The following ELFN2 variants were observed in gnomAD, a reference collection of about 807,000 sequenced individuals.
The protein encoded by ELFN2 is protein phosphatase 1 regulatory subunit 29.
A neutral mutation model predicts 45.5 loss-of-function variants in ELFN2; 17 were observed. The ratio of observed to expected loss-of-function variants is 0.37; its 90% CI spans 0.26 to 0.56. The LOEUF (loss-of-function observed/expected upper bound fraction) is 0.56, where lower values mean the gene tolerates loss of function less well. Among genes scored for constraint, ELFN2 ranks in the 20% least tolerant of loss-of-function variants. The pLI, the probability that ELFN2 is intolerant of heterozygous loss-of-function variation, is 0.77. For synonymous variants in ELFN2, 550 were observed against 551.5 expected (o/e 1.00, Z 0.04); for missense variants, 922 against 1,183.2 (o/e 0.78, Z 3.24).
rs778062441 is a variant in ELFN2 at position 37,373,027 on chromosome 22, C to T, written c.*45G>A. ...CCGCCTGGACCCTTCCCCCAAAAGG[C>T]CCCCAGCCCTCTGGCTCCGACCTCA... is the stretch of plus-strand genomic sequence containing the variant. On this transcript the variant is annotated 3_prime_UTR_variant, in exon 3 of 3. Transcript: ENST00000402918. 6.5e-7 allele frequency: 1 copy of T among 1,537,112 alleles called. No individual in the cohort carries two copies. The highest frequency in any genetic ancestry group is 8.8e-7 in the Non-Finnish European group (1 of 1,141,440).
At chr22:37,355,961 A>G (rs1416708059) in intron 1 of ELFN2, among the ~76,000 whole-genome samples, 1 of 152,188 alleles carries the variant, frequency 6.6e-6, no homozygotes, top group Non-Finnish European at 1.5e-5. Context: ...TGAAGAAATA[A>G]TGTGTTTCAT....
intron 2 of ELFN2, among the ~76,000 whole-genome samples, chr22:37,408,077 G>T (rs1304359408): frequency 6.6e-6 from 1 of 152,174 alleles, no homozygotes; most frequent in Non-Finnish European, 1.5e-5. Flanking sequence ...GAGTTCTCAC[G>T]AGTTTCTCCA....
intron 2 of ELFN2, among the ~76,000 whole-genome samples, chr22:37,405,458 CT>C (rs1932476271): frequency 6.6e-6 from 1 of 152,034 alleles, no homozygotes; most frequent in Non-Finnish European, 1.5e-5. Flanking sequence ...CATGGGGTCA[CT>C]GTAAACATGA....
At chr22:37,416,200 T>C (rs1932758132) in intron 2 of ELFN2, among the ~76,000 whole-genome samples, 1 of 152,172 alleles carries the variant, frequency 6.6e-6, no homozygotes, top group African/African-American at 2.4e-5. Context: ...TTTTTAGTAA[T>C]TGAATGAAAT....
At chr22:37,387,132 C>T (rs1931968475) in intron 2 of ELFN2, among the ~76,000 whole-genome samples, 1 of 152,182 alleles carries the variant, frequency 6.6e-6, no homozygotes, top group Non-Finnish European at 1.5e-5. Context: ...TGGGGCCTGG[C>T]CTGTCTTCCT....
chr22:37,362,923 C>A (rs75120840), intron 1 of ELFN2, among the ~76,000 whole-genome samples: 2,138 of 152,284 alleles, frequency 0.014, 47 homozygotes, highest in African/African-American at 0.047. Flanking sequence ...CTTCTACCGC[C>A]ATCGTCCCTG....
At chr22:37,405,375 G>A (rs569104857) in intron 2 of ELFN2, among the ~76,000 whole-genome samples, 7 of 152,056 alleles carry the variant, frequency 4.6e-5, no homozygotes, top group African/African-American at 9.7e-5. Context: ...TTACAGGCAT[G>A]AGCCACCATG....
chr22:37,354,126 A>G (rs1208118341), intron 1 of ELFN2: 2 of 152,252 alleles, frequency 1.3e-5, no homozygotes, highest in South Asian at 2.1e-4. Context: ...TGCTGAGGGA[A>G]AGACGCCAGT....
chr22:37,420,276 T>C (rs918967831), intron 1 of ELFN2: 2 of 140,908 alleles, frequency 1.4e-5, no homozygotes, highest in African/African-American at 5.2e-5. Context: ...CCAGCAGCCA[T>C]CGCGCACCCG....
At chr22:37,347,670 A>G (rs1930730176) in intron 1 of ELFN2, among the ~76,000 whole-genome samples, 1 of 151,818 alleles carries the variant, frequency 6.6e-6, no homozygotes, top group Non-Finnish European at 1.5e-5. Context: ...ACACACACAC[A>G]CACACACACA....
chr22:37,359,905 G>A (rs1931041188), intron 1 of ELFN2, among the ~76,000 whole-genome samples: 1 of 152,236 alleles, frequency 6.6e-6, no homozygotes, highest in Non-Finnish European at 1.5e-5. Flanking sequence ...AGCTCAGGAG[G>A]AGTTCTGCAG....
intron 2 of ELFN2, among the ~76,000 whole-genome samples, chr22:37,415,624 C>T (rs1483929251): frequency 6.6e-6 from 1 of 152,222 alleles, no homozygotes; most frequent in East Asian, 1.9e-4. Context: ...TGAGATCTGG[C>T]TTCCCTACGC....
chr22:37,399,376 C>G (rs1443467569), intron 2 of ELFN2, among the ~76,000 whole-genome samples: 1 of 152,210 alleles, frequency 6.6e-6, no homozygotes, highest in African/African-American at 2.4e-5. Context: ...CAGGCCCATA[C>G]TGGCTCCTTG....
At position 37,375,394 on chromosome 22, in the gene ELFN2, C is replaced by T. The variant is rs780286500; in HGVS notation, c.141G>A (p.Glu47=). The T allele has an allele frequency of 6.2e-7, 1 of 1,614,060 alleles. No individual in the cohort carries two copies. Among genetic ancestry groups the T allele is most frequent in the African/African-American group, 1.3e-5 (1 of 74,936 alleles). ...TGCTATTGATGTGCTGCGGGATGGT[C>T]TCGTAGGGCGGCTGGTTCTGGCTGC... ...AICSQNQPPY[E]TIPQHINSTV... The change falls in exon 3 of 3, where the codon GAG becomes GAA. Residue 47 remains glutamate (E), a synonymous_variant. Transcript: ENST00000402918.
Position 37,374,965 on chromosome 22 carries a change from C to T in ELFN2, c.570G>A (p.Glu190=), listed in dbSNP as rs755565278. The T allele has an allele frequency of 2.5e-6, 4 of 1,613,152 alleles. No homozygotes were observed. The African/African-American group carries it at 5.3e-5, about 22-fold the overall frequency. ...CELAGNPFNC[E]CDLFGFLAWL... Reference sequence around the variant, plus strand: ...AGGCCAGGAAGCCGAAGAGGTCGCACTCACAGTTGAAGGGGTTGCCGGCCA... The same window carrying T: ...AGGCCAGGAAGCCGAAGAGGTCGCATTCACAGTTGAAGGGGTTGCCGGCCA... Residue 190 remains glutamate (E), a synonymous_variant, in exon 3 of 3, where the codon GAG becomes GAA. Transcript: ENST00000402918.
At chr22:37,420,045 G>A (rs966092847) in intron 1 of ELFN2, among the ~76,000 whole-genome samples, 7 of 152,196 alleles carry the variant, frequency 4.6e-5, no homozygotes, top group Non-Finnish European at 8.8e-5. Flanking sequence ...AAGGAGGAAA[G>A]CCGGGCCAGC....
chr22:37,405,079 T>C (rs1252313172), intron 2 of ELFN2, among the ~76,000 whole-genome samples: 1 of 134,536 alleles, frequency 7.4e-6, no homozygotes, highest in African/African-American at 2.7e-5. Flanking sequence ...CTCACCTCCC[T>C]GAACCTCAGC....
intron 1 of ELFN2, among the ~76,000 whole-genome samples, chr22:37,358,533 T>A (rs576468310): frequency 6.6e-6 from 1 of 152,222 alleles, no homozygotes; most frequent in Non-Finnish European, 1.5e-5. Context: ...GCATCCCGAT[T>A]AGATACAACC....
chr22:37,377,578 G>A (rs910609182), intron 2 of ELFN2, among the ~76,000 whole-genome samples: 1 of 152,268 alleles, frequency 6.6e-6, no homozygotes, highest in African/African-American at 2.4e-5. Flanking sequence ...AATGGGTGAG[G>A]GGTCGGGGGT....
Sources: allele counts gnomAD v4.1 joint callset (sites outside exome capture counted in the v4.1 genomes callset), GRCh38; gene constraint gnomAD v4.1.1; transcripts MANE v1.5; gene names NCBI Gene and HGNC (gene_info 2026-07-23, HGNC 2026-07-21).